Variants in PCDH7 observed in about 807,000 individuals in gnomAD.
The protein encoded by PCDH7 is protocadherin-7.
Under a neutral mutation model 58.9 loss-of-function variants are expected in PCDH7, and 17 were observed. The ratio of observed to expected loss-of-function variants is 0.29; its 90% CI spans 0.20 to 0.43. The LOEUF is 0.43. Among genes scored for constraint, PCDH7 ranks in the 20% least tolerant of loss-of-function variants. The pLI is 1.00. For missense variants in PCDH7, 1,274 were observed against 1,441.0 expected (o/e 0.88, Z 1.88); for synonymous variants, 664 against 616.4 (o/e 1.08, Z -1.14).
chr4:30,905,225 T>C (rs929352392), intron 1 of PCDH7, among the ~76,000 whole-genome samples: 8 of 152,104 alleles, frequency 5.3e-5, no homozygotes, highest in African/African-American at 1.7e-4. Context: ...TTAAAGTTGG[T>C]TTTTTGTCCT....
chr4:30,828,578 A>G (rs1246697517), intron 1 of PCDH7, among the ~76,000 whole-genome samples: 2 of 152,082 alleles, frequency 1.3e-5, no homozygotes, highest in Non-Finnish European at 2.9e-5. Context: ...AAAAAAGGTA[A>G]TGAAAAAATG....
intron 1 of PCDH7, chr4:30,884,870 G>A (rs1158339156): frequency 6.6e-6 from 1 of 152,110 alleles, no homozygotes; most frequent in Non-Finnish European, 1.5e-5. Flanking sequence ...TAAGGAGGAG[G>A]AGGAAAATGA....
intron 3 of PCDH7, among the ~76,000 whole-genome samples, chr4:31,137,539 G>A (rs145822194): frequency 0.026 from 3,936 of 152,310 alleles, 86 homozygotes; most frequent in Non-Finnish European, 0.039. Context: ...AGCCGAGATC[G>A]TGCCACTGCA....
intron 1 of PCDH7, among the ~76,000 whole-genome samples, chr4:30,795,833 G>C (rs1724703522): frequency 6.6e-6 from 1 of 152,014 alleles, no homozygotes; most frequent in Admixed American, 6.6e-5. Flanking sequence ...TTGTAAATGG[G>C]AATATAATAA....
At chr4:31,084,349 T>C (rs894493454) in intron 3 of PCDH7, among the ~76,000 whole-genome samples, 3 of 152,172 alleles carry the variant, frequency 2.0e-5, no homozygotes, top group Non-Finnish European at 4.4e-5. Flanking sequence ...TTCTGCATTA[T>C]AGACGAAGAT....
chr4:30,822,668 G>C (rs1372243222), intron 1 of PCDH7, among the ~76,000 whole-genome samples: 4 of 151,952 alleles, frequency 2.6e-5, no homozygotes, highest in Non-Finnish European at 5.9e-5. Flanking sequence ...TTTAAACACT[G>C]GTGCTTCTTG....
intron 3 of PCDH7, among the ~76,000 whole-genome samples, chr4:31,111,638 G>A (rs960369638): frequency 6.6e-6 from 1 of 152,176 alleles, no homozygotes; most frequent in South Asian, 2.1e-4. Flanking sequence ...AACACTCAGA[G>A]GTACGGAAGT....
At chr4:30,840,205 G>A (rs896052492) in intron 1 of PCDH7, among the ~76,000 whole-genome samples, 1 of 151,716 alleles carries the variant, frequency 6.6e-6, no homozygotes, top group Non-Finnish European at 1.5e-5. Flanking sequence ...GCCATAATCA[G>A]GTAGGAGAAA....
intron 1 of PCDH7, among the ~76,000 whole-genome samples, chr4:30,829,437 G>C (rs1267546056): frequency 1.3e-5 from 2 of 152,008 alleles, no homozygotes; most frequent in Non-Finnish European, 2.9e-5. Context: ...AAGAAGTTGA[G>C]GGGCAGTTTT....
At chr4:31,128,054 T>C (rs1201528656) in intron 3 of PCDH7, among the ~76,000 whole-genome samples, 2 of 151,304 alleles carry the variant, frequency 1.3e-5, no homozygotes, top group African/African-American at 4.9e-5. Flanking sequence ...CACATATGCA[T>C]ACATATGTAT....
chr4:30,979,340 G>A lies in PCDH7; in HGVS notation c.*7+29125G>A, dbSNP rs866790110. The stretch of plus-strand genomic sequence containing the variant: ...AACTCTGTCTCAAAAAAAAAAAAAA[G>A]AAAAAAAAGAAAAAAAAATTTGGTA... On this transcript the variant is annotated intron_variant, in intron 3 of 3. Transcript: ENST00000509759. Among the ~76,000 whole-genome samples, 850 of 129,956 alleles carry A rather than the reference G, an allele frequency of 6.5e-3. 11 individuals are homozygous for A. Among genetic ancestry groups the A allele is most frequent in the African/African-American group, 0.029 (784 of 26,954 alleles). 85.3% of individuals were successfully genotyped at this position (129,956 alleles called of 152,430 possible).
At chr4:30,879,307 T>C (rs146020746) in intron 1 of PCDH7, among the ~76,000 whole-genome samples, 7 of 152,164 alleles carry the variant, frequency 4.6e-5, no homozygotes, top group African/African-American at 1.7e-4. Context: ...GAAACAATTA[T>C]CTGATTCTTA....
At chr4:30,727,295 C>G (rs915942823) in intron 1 of PCDH7, among the ~76,000 whole-genome samples, 4 of 151,804 alleles carry the variant, frequency 2.6e-5, no homozygotes, top group Admixed American at 1.3e-4. Context: ...AGTGTTGAAC[C>G]TAAGTCCTGT....
At chr4:30,942,980 TAC>T (rs1243575715) in intron 2 of PCDH7, among the ~76,000 whole-genome samples, 1 of 151,960 alleles carries the variant, frequency 6.6e-6, no homozygotes, top group African/African-American at 2.4e-5. Flanking sequence ...TTTTGAAAAT[TAC>T]AGTTTGTTTT....
chr4:30,950,581 A>C (rs1747256177), intron 3 of PCDH7, among the ~76,000 whole-genome samples: 1 of 152,186 alleles, frequency 6.6e-6, no homozygotes. Context: ...AAACAGGAAT[A>C]TTTCTGTGAA....
intron 1 of PCDH7, among the ~76,000 whole-genome samples, chr4:30,899,731 T>A (rs530393275): frequency 3.3e-5 from 5 of 152,058 alleles, no homozygotes; most frequent in Non-Finnish European, 7.3e-5. Flanking sequence ...TTTTTTTTCA[T>A]CTTTTATCAA....
intron 1 of PCDH7, among the ~76,000 whole-genome samples, chr4:30,829,602 T>C (rs930663016): frequency 6.6e-6 from 1 of 152,052 alleles, no homozygotes; most frequent in South Asian, 2.1e-4. Flanking sequence ...CATGAAGCAA[T>C]TGTCAGTGGT....
chr4:30,843,485 C>T lies in PCDH7; in HGVS notation c.71-76668C>T, dbSNP rs896420140. Among the ~76,000 whole-genome samples, 22 of 152,144 alleles carry T rather than the reference C, an allele frequency of 1.4e-4. No individual in the cohort carries two copies. In the East Asian group the frequency reaches 2.9e-3, roughly 20 times the overall value. ...CTGGGATTACAGGCGTGAGCCACTC[C>T]GCCTGGCCTGGAATATAGAACTTTA... On this transcript the variant is annotated intron_variant, in intron 1 of 3. Transcript: ENST00000509759.
downstream of PCDH7, among the ~76,000 whole-genome samples, chr4:30,735,577 T>C (rs1255117355): frequency 6.6e-6 from 1 of 152,178 alleles, no homozygotes; most frequent in Non-Finnish European, 1.5e-5. Flanking sequence ...CTGCTCTAAG[T>C]GGATAACTAG....
Sources: allele counts gnomAD v4.1 joint callset (sites outside exome capture counted in the v4.1 genomes callset), GRCh38; gene constraint gnomAD v4.1.1; transcripts MANE v1.5; gene names NCBI Gene and HGNC (gene_info 2026-07-23, HGNC 2026-07-21).